The following DLGAP2 variants were observed in gnomAD, a reference collection of about 807,000 sequenced individuals.
The protein encoded by DLGAP2 is DLG associated protein 2.
In DLGAP2, 26 loss-of-function variants were observed where a neutral mutation model predicts 100.3. The ratio of observed to expected loss-of-function variants is 0.26; its 90% CI spans 0.19 to 0.36. The LOEUF (loss-of-function observed/expected upper bound fraction) is 0.36, where lower values mean the gene tolerates loss of function less well. Ranked by LOEUF, DLGAP2 falls within the 10% of genes least tolerant of loss-of-function variation. The probability of loss-of-function intolerance (pLI) is 1.00; values close to 1 mark genes in which losing one functional copy is unlikely to be tolerated. For missense variants in DLGAP2, 1,858 were observed against 1,453.2 expected (o/e 1.28, Z -4.53); for synonymous variants, 886 against 630.1 (o/e 1.41, Z -6.08).
At chr8:1,199,945 A>ACC (rs1563248846) in intron 2 of DLGAP2, among the ~76,000 whole-genome samples, 1 of 146,828 alleles carries the variant, frequency 6.8e-6, no homozygotes, top group East Asian at 2.0e-4. Context: ...ATTCCCCCCC[A>ACC]CAACCCCCCG....
At chr8:1,150,004 C>T (rs184576065) in intron 2 of DLGAP2, among the ~76,000 whole-genome samples, 26 of 152,344 alleles carry the variant, frequency 1.7e-4, no homozygotes, top group African/African-American at 5.8e-4. Context: ...GTCAGTAAGA[C>T]ATCAGTGTTA....
intron 3 of DLGAP2, among the ~76,000 whole-genome samples, chr8:1,374,762 C>T (rs551156404): frequency 1.3e-5 from 2 of 152,254 alleles, no homozygotes; most frequent in South Asian, 2.1e-4. Context: ...GGTGGAAATC[C>T]TGCAGGGCAC....
At chr8:836,155 C>G (rs1192086406) in intron 1 of DLGAP2, among the ~76,000 whole-genome samples, 1 of 152,218 alleles carries the variant, frequency 6.6e-6, no homozygotes, top group Non-Finnish European at 1.5e-5. Context: ...GACACCGAAT[C>G]CTGCAGTGTC....
chr8:1,647,056 C>T (rs1798056301), intron 8 of DLGAP2, among the ~76,000 whole-genome samples: 2 of 152,172 alleles, frequency 1.3e-5, no homozygotes, highest in South Asian at 4.1e-4. Context: ...GGTGCCGGGG[C>T]ATGGAGGCCA....
At chr8:1,467,328 A>C (rs1798654790) in intron 3 of DLGAP2, among the ~76,000 whole-genome samples, 1 of 148,358 alleles carries the variant, frequency 6.7e-6, no homozygotes, top group Non-Finnish European at 1.5e-5. Flanking sequence ...CCTGTTCCTC[A>C]GACCCATCCC....
In DLGAP2 at chr8:1,560,578, C is replaced by G. The variant is rs140119184; in HGVS notation, c.1231-5105C>G. ...CTTCATGGAAGGAAAGTTGCCCACT[C>G]TAAGGACATGACCAGTCCGAAGGCC... On this transcript the variant is annotated intron_variant, in intron 5 of 14. Transcript: ENST00000637795. 2.8e-3 allele frequency among the ~76,000 whole-genome samples: 429 copies of G among 152,308 alleles called. 2 individuals are homozygous for G. Among genetic ancestry groups the G allele is most frequent in the African/African-American group, 9.5e-3 (394 of 41,568 alleles).
At chr8:1,363,891 C>A (rs549941767) in intron 3 of DLGAP2, among the ~76,000 whole-genome samples, 22 of 152,260 alleles carry the variant, frequency 1.4e-4, no homozygotes, top group Non-Finnish European at 5.9e-5. Flanking sequence ...CCACCTGCTC[C>A]CCGTGAGGTT....
At chr8:1,109,013 T>A (rs536077002) in intron 2 of DLGAP2, among the ~76,000 whole-genome samples, 1 of 138,724 alleles carries the variant, frequency 7.2e-6, no homozygotes, top group African/African-American at 2.8e-5. Context: ...GTGTGCTGGG[T>A]CTGTGAGGTG....
chr8:1,257,153 G>T (rs1276973350), intron 2 of DLGAP2, among the ~76,000 whole-genome samples: 4 of 152,134 alleles, frequency 2.6e-5, no homozygotes, highest in Non-Finnish European at 4.4e-5. Context: ...AGAGCTGTCA[G>T]TCACAGTTTT....
At chr8:787,781 C>G (rs1000376901) in intron 1 of DLGAP2, among the ~76,000 whole-genome samples, 3 of 152,348 alleles carry the variant, frequency 2.0e-5, no homozygotes, top group Non-Finnish European at 2.9e-5. Flanking sequence ...TGTATTTGCA[C>G]AGTGCCTCTA....
In DLGAP2 at chr8:1,411,416, C is replaced by T. The variant is rs1275184846; in HGVS notation, c.107-89950C>T. ...AGCATAAAAGCACGAAGGACTTGACCCCTGAGCCAGGCGGTCCTAGCTGGC... is the reference window on the plus strand; with the variant it reads ...AGCATAAAAGCACGAAGGACTTGACTCCTGAGCCAGGCGGTCCTAGCTGGC... On this transcript the variant is annotated intron_variant, in intron 3 of 14. Coordinates refer to ENST00000637795, the MANE Select transcript of DLGAP2 (RefSeq NM_001346810.2). Among the ~76,000 whole-genome samples, 3 of 152,168 alleles carry T rather than the reference C, an allele frequency of 2.0e-5. No homozygotes were observed. In the South Asian group the frequency reaches 6.2e-4, roughly 32 times the overall value.
intron 3 of DLGAP2, among the ~76,000 whole-genome samples, chr8:1,415,911 A>G (rs1317589974): frequency 6.6e-6 from 1 of 152,204 alleles, no homozygotes; most frequent in East Asian, 1.9e-4. Context: ...CTAATTTACA[A>G]TCCCACAAAC....
intron 2 of DLGAP2, among the ~76,000 whole-genome samples, chr8:1,081,301 C>T (rs1198084678): frequency 6.6e-6 from 1 of 152,184 alleles, no homozygotes; most frequent in Admixed American, 6.5e-5. Flanking sequence ...TTAGCTATTA[C>T]TATTTGTGTT....
At position 737,805 on chromosome 8, in the gene DLGAP2, A is replaced by G; in HGVS notation, c.-3A>G. 1 of 378,964 alleles carries G rather than the reference A, an allele frequency of 2.6e-6. No homozygotes were observed. The highest frequency in any genetic ancestry group is 2.1e-5 in the African/African-American group (1 of 47,692). 23.5% of individuals were successfully genotyped at this position (378,964 alleles called of 1,614,324 possible). On this transcript the variant is annotated 5_prime_UTR_variant, in exon 1 of 15. Transcript: ENST00000637795. Reference sequence around the variant, plus strand: ...GCACCTGCTGAGCCCGGAGCGTCCGAGGATGTCCGCGCTGAGGAAGGTGCG... The same window carrying G: ...GCACCTGCTGAGCCCGGAGCGTCCGGGGATGTCCGCGCTGAGGAAGGTGCG...
chr8:989,606 T>C (rs11784101), intron 2 of DLGAP2, among the ~76,000 whole-genome samples: 40,643 of 151,764 alleles, frequency 0.27, 5,709 homozygotes, highest in Non-Finnish European at 0.32. Context: ...CTCTTAACTG[T>C]GTTGAAAGGT....
At chr8:833,025 C>T (rs1251063466) in intron 1 of DLGAP2, among the ~76,000 whole-genome samples, 2 of 152,208 alleles carry the variant, frequency 1.3e-5, no homozygotes, top group Non-Finnish European at 2.9e-5. Context: ...GGTGCAAACC[C>T]AGTAAACATC....
rs62483893 is a variant in DLGAP2, at chr8:1,282,148, A to G, written c.106+23265A>G. Among the ~76,000 whole-genome samples, 144 of 133,004 alleles carry G rather than the reference A, an allele frequency of 1.1e-3. 1 individual carries two copies. Among genetic ancestry groups the G allele is most frequent in the African/African-American group, 3.5e-3 (122 of 34,462 alleles). The allele number at this position is 133,004 out of a possible 152,430, so 87.3% of individuals were successfully genotyped here. A position where few individuals can be genotyped will look rare whatever the true frequency, so the allele number is the denominator to read the frequency against. On this transcript the variant is annotated intron_variant, in intron 3 of 14. Coordinates refer to ENST00000637795, the MANE Select transcript of DLGAP2 (RefSeq NM_001346810.2). ...ACATGGTGTGACCTGAACCCAGCGC[A>G]TGTACCATCCAGACGTGGTGTGACC...
chr8:768,346 A>C (rs933437512), intron 1 of DLGAP2, among the ~76,000 whole-genome samples: 7 of 151,548 alleles, frequency 4.6e-5, no homozygotes, highest in African/African-American at 1.7e-4. Flanking sequence ...TACTCAAATA[A>C]CTGTTATTTC....
chr8:1,244,083 T>A (rs1016860227), intron 2 of DLGAP2, among the ~76,000 whole-genome samples: 1 of 152,168 alleles, frequency 6.6e-6, no homozygotes, highest in Admixed American at 6.5e-5. Flanking sequence ...GGGTGTCAGC[T>A]CTCAGCCTCT....
Sources: allele counts gnomAD v4.1 joint callset (sites outside exome capture counted in the v4.1 genomes callset), GRCh38; gene constraint gnomAD v4.1.1; transcripts MANE v1.5; gene names NCBI Gene and HGNC (gene_info 2026-07-23, HGNC 2026-07-21).